The following ANKH variants were observed in gnomAD, a reference collection of about 807,000 sequenced individuals.
ANKH encodes the protein ANKH inorganic pyrophosphate transport regulator.
Under a neutral mutation model 49.0 loss-of-function variants are expected in ANKH, and 15 were observed. That is an observed-to-expected ratio of 0.31 (90% CI 0.20 to 0.47). The LOEUF (loss-of-function observed/expected upper bound fraction) is 0.47. ANKH is among the 20% of genes least tolerant of loss of function. ANKH has a pLI of 1.00. For missense variants in ANKH, 429 were observed against 652.0 expected, an observed-to-expected ratio of 0.66 and a Z score of 3.72; for synonymous variants, 273 against 260.0, an observed-to-expected ratio of 1.05 and a Z score of -0.48.
chr5:14,799,630 C>T (rs192952357), intron 1 of ANKH, among the ~76,000 whole-genome samples: 10 of 152,088 alleles, frequency 6.6e-5, no homozygotes, highest in Non-Finnish European at 1.0e-4. Context: ...CAGCAAAGCC[C>T]GGATGACAGC....
intron 2 of ANKH, among the ~76,000 whole-genome samples, chr5:14,761,977 C>G (rs1739101005): frequency 6.6e-6 from 1 of 152,092 alleles, no homozygotes; most frequent in African/African-American, 2.4e-5. Flanking sequence ...GTTGGCCAGG[C>G]TGGTCTTGAA....
intron 8 of ANKH, among the ~76,000 whole-genome samples, chr5:14,729,604 A>T (rs1037988493): frequency 6.6e-6 from 1 of 151,942 alleles, no homozygotes; most frequent in Non-Finnish European, 1.5e-5. Flanking sequence ...CTCCGCCTCT[A>T]CCTGCCAGCT....
At chr5:14,750,251 T>C (rs959946647) in intron 5 of ANKH, among the ~76,000 whole-genome samples, 3 of 152,238 alleles carry the variant, frequency 2.0e-5, no homozygotes, top group African/African-American at 7.2e-5. Context: ...TGATGTCTCA[T>C]ACCTATGGGT....
intron 1 of ANKH, among the ~76,000 whole-genome samples, chr5:14,866,326 A>G (rs887480921): frequency 2.0e-5 from 3 of 152,194 alleles, no homozygotes; most frequent in African/African-American, 4.8e-5. Context: ...TTTGAGCATG[A>G]AAGAGTAGAT....
At chr5:14,830,510 A>AGTGTGT (rs35379260) in intron 1 of ANKH, among the ~76,000 whole-genome samples, 5,310 of 147,352 alleles carry the variant, frequency 0.036, 173 homozygotes, top group African/African-American at 0.091. Context: ...AGGTAGGGGG[A>AGTGTGT]GTGTGTGTGT....
chr5:14,803,343 G>A (rs1185617370), intron 1 of ANKH, among the ~76,000 whole-genome samples: 1 of 152,076 alleles, frequency 6.6e-6, no homozygotes, highest in Non-Finnish European at 1.5e-5. Flanking sequence ...GCAGTGGTGC[G>A]ATCTCAGCTC....
chr5:14,798,500 TTTAA>T, intron 1 of ANKH: 2 of 938,172 alleles, frequency 2.1e-6, no homozygotes, highest in Non-Finnish European at 3.1e-6. Flanking sequence ...TATTTTTTTT[TTTAA>T]TTAACAAATT....
chr5:14,736,015 T>A (rs987423006), intron 8 of ANKH, among the ~76,000 whole-genome samples: 6 of 116,136 alleles, frequency 5.2e-5, no homozygotes, highest in African/African-American at 1.2e-4. Flanking sequence ...ACTTTTTTTT[T>A]TTTTTTTTTT....
intron 2 of ANKH, among the ~76,000 whole-genome samples, chr5:14,760,586 C>A (rs546096590): frequency 6.6e-6 from 1 of 152,172 alleles, no homozygotes; most frequent in African/African-American, 2.4e-5. Context: ...ATGTTCACTG[C>A]GCAGGGATCT....
intron 1 of ANKH, among the ~76,000 whole-genome samples, chr5:14,788,777 A>G (rs919701932): frequency 7.2e-5 from 11 of 152,212 alleles, no homozygotes; most frequent in African/African-American, 2.4e-4. Context: ...TACACAAGTC[A>G]CACAGGTTAA....
intron 1 of ANKH, among the ~76,000 whole-genome samples, chr5:14,816,614 G>T (rs930317426): frequency 6.6e-6 from 1 of 152,098 alleles, no homozygotes; most frequent in Non-Finnish European, 1.5e-5. Context: ...CTCACAAAAG[G>T]TTTTATTTGG....
intron 1 of ANKH, among the ~76,000 whole-genome samples, chr5:14,848,578 A>G (rs544470304): frequency 2.0e-5 from 3 of 152,260 alleles, no homozygotes; most frequent in East Asian, 3.9e-4. Flanking sequence ...ACCCCTCCAG[A>G]TTCGGCAGGG....
intron 8 of ANKH, among the ~76,000 whole-genome samples, chr5:14,731,939 C>T (rs1027453017): frequency 2.0e-5 from 3 of 152,310 alleles, no homozygotes; most frequent in South Asian, 2.1e-4. Context: ...CAGGGAGCTG[C>T]GCGAGTGTCA....
At position 14,805,468 on chromosome 5, in the gene ANKH, CAT is replaced by C. The variant is rs76757382; in HGVS notation, c.97-36279_97-36278del. ...GTGTGTATATATATATGTACACACA[CAT>C]ATATGTTTATAGGATACACACACAC... On this transcript the variant is annotated intron_variant, in intron 1 of 11. Transcript: ENST00000284268. Among the ~76,000 whole-genome samples the C allele has an allele frequency of 4.0e-3, 537 of 133,724 alleles. 3 individuals are homozygous for C. Among genetic ancestry groups the C allele is most frequent in the African/African-American group, 0.014 (509 of 35,462 alleles). 87.7% of individuals were successfully genotyped at this position (133,724 alleles called of 152,430 possible).
intron 4 of ANKH, among the ~76,000 whole-genome samples, chr5:14,755,062 A>G (rs967368657): frequency 2.5e-4 from 20 of 78,714 alleles, no homozygotes; most frequent in Admixed American, 1.2e-3. Context: ...ACTCTGTCTC[A>G]AAAAAAAAAA....
Position 14,745,408 on chromosome 5 carries a change from T to C in ANKH, c.915+462A>G, listed in dbSNP as rs1738500737. On this transcript the variant is annotated intron_variant, in intron 7 of 11. Transcript: ENST00000284268. The surrounding 1 kb of genome is among the most constrained non-coding windows in gnomAD (Gnocchi z 4.7). ...GAATACGTCTGCAATATCAAAACAC[T>C]GGACCCAGGTCTTGCCTGTGGCCAA... Among the ~76,000 whole-genome samples, 3 of 152,094 alleles carry C rather than the reference T, an allele frequency of 2.0e-5. No homozygotes were observed. Among genetic ancestry groups the C allele is most frequent in the Admixed American group, 2.0e-4 (3 of 15,272 alleles).
chr5:14,822,870 T>C (rs951864152), intron 1 of ANKH, among the ~76,000 whole-genome samples: 1 of 152,072 alleles, frequency 6.6e-6, no homozygotes, highest in Admixed American at 6.5e-5. Flanking sequence ...CTGTCTCTAC[T>C]AAAAATAGAA....
At chr5:14,789,344 C>G (rs192980220) in intron 1 of ANKH, among the ~76,000 whole-genome samples, 8 of 152,158 alleles carry the variant, frequency 5.3e-5, no homozygotes, top group African/African-American at 1.7e-4. Context: ...GACTTTTGAG[C>G]TTCCGTATGA....
chr5:14,835,942 G>A (rs955210769), intron 1 of ANKH, among the ~76,000 whole-genome samples: 3 of 152,166 alleles, frequency 2.0e-5, no homozygotes, highest in Non-Finnish European at 4.4e-5. Context: ...CTTCATCCCT[G>A]GGATGCAAGG....
Sources: gnomAD v4.1 joint callset for allele counts (sites outside exome capture counted in the v4.1 genomes callset) on GRCh38, gnomAD v4.1.1 for gene constraint, Gnocchi (gnomAD v3.1) non-coding constraint, MANE v1.5 for transcripts, NCBI Gene and HGNC (gene_info 2026-07-23, HGNC 2026-07-21) for gene names.